The following CDCA5 variants were observed in gnomAD, a reference collection of about 807,000 sequenced individuals.
CDCA5 encodes the protein cell division cycle associated 5.
Under a neutral mutation model 25.7 loss-of-function variants are expected in CDCA5, and 14 were observed. The ratio of observed to expected loss-of-function variants is 0.54; its 90% CI spans 0.36 to 0.85. CDCA5 has a LOEUF of 0.85. CDCA5 is among the 40% of genes least tolerant of loss of function. The pLI, the probability that CDCA5 is intolerant of heterozygous loss-of-function variation, is 0.01. For synonymous variants in CDCA5, 127 were observed against 128.7 expected, an observed-to-expected ratio of 0.99 and a Z score of 0.09; for missense variants, 307 against 324.5, an observed-to-expected ratio of 0.95 and a Z score of 0.41.
chr11:65,071,275 C>T (rs934772755), intron 1 of CDCA5, among the ~76,000 whole-genome samples: 1 of 151,478 alleles, frequency 6.6e-6, no homozygotes, highest in South Asian at 2.1e-4. Context: ...ATATGCATAC[C>T]CCATATGTGG....
chr11:65,083,837 C>T, intron 1 of CDCA5, 96 bp downstream of exon 1: 1 of 1,591,886 alleles, frequency 6.3e-7, no homozygotes, highest in South Asian at 1.1e-5. Flanking sequence ...AGGGCGCCTC[C>T]TCCGGCGGCG....
chr11:65,078,452 C>T lies in CDCA5; in HGVS notation c.*655G>A. The T allele has an allele frequency of 1.0e-6, 1 of 985,648 alleles. No individual in the cohort carries two copies. The allele number at this position is 985,648 out of a possible 1,614,324, so 61.1% of individuals were successfully genotyped here. On this transcript the variant is annotated 3_prime_UTR_variant, in exon 6 of 6. Coordinates refer to ENST00000275517, the MANE Select transcript of CDCA5 (RefSeq NM_080668.4). ...AGCAGACCAGAACTAGAAAACACAG[C>T]TTCTGTGTAGTACACACTTATGGTC...
chr11:65,061,914 A>ATTTTTTTTTTTTTTTTTTTTTTTTTTTT (rs35836447), downstream of CDCA5, among the ~76,000 whole-genome samples: 1 of 82,312 alleles, frequency 1.2e-5, no homozygotes, highest in Non-Finnish European at 2.3e-5. Context: ...CAGCTGCCTA[A>ATTTTTTTTTTTTTTTTTTTTTTTTTTTT]TTTTTTTTTT....
chr11:65,062,801 C>A (rs1408755906), downstream of CDCA5, among the ~76,000 whole-genome samples: 1 of 152,138 alleles, frequency 6.6e-6, no homozygotes, highest in African/African-American at 2.4e-5. Context: ...TGCATTCCTC[C>A]CCCTCCCTCA....
chr11:65,078,709 C>T lies in CDCA5; in HGVS notation c.*398G>A. 9.9e-7 allele frequency: 1 copy of T among 1,011,922 alleles called. No homozygotes were observed. The highest frequency in any genetic ancestry group is 4.6e-5 in the South Asian group (1 of 21,550). The allele number at this position is 1,011,922 out of a possible 1,614,324, so 62.7% of individuals were successfully genotyped here. A position where few individuals can be genotyped will look rare whatever the true frequency, so the allele number is the denominator to read the frequency against. ...AGGGAGAGGCCGAGGCTGGCAGAGCCCCTGGGCCTATTTCCAAGCAGCCAC... is the reference window on the plus strand; with the variant it reads ...AGGGAGAGGCCGAGGCTGGCAGAGCTCCTGGGCCTATTTCCAAGCAGCCAC... On this transcript the variant is annotated 3_prime_UTR_variant, in exon 6 of 6. Coordinates refer to ENST00000275517, the MANE Select transcript of CDCA5 (RefSeq NM_080668.4).
At chr11:65,083,877 C>T in intron 1 of CDCA5, 56 bp downstream of exon 1, 2 of 1,606,456 alleles carry the variant, frequency 1.2e-6, no homozygotes, top group African/African-American at 1.3e-5. Context: ...CATCTTTCAC[C>T]GGACTGCGTC....
At chr11:65,082,035 G>C (rs182853572) in intron 4 of CDCA5, among the ~76,000 whole-genome samples, 1 of 152,142 alleles carries the variant, frequency 6.6e-6, no homozygotes. Context: ...AAGGCCACTG[G>C]GGGGCAATTC....
At chr11:65,068,401 G>A (rs575546440) in intron 2 of CDCA5, 1 of 820,972 alleles carries the variant, frequency 1.2e-6, no homozygotes, top group East Asian at 6.4e-5. Flanking sequence ...CGGGGGTTCA[G>A]GCCTCCATTC....
intron 4 of CDCA5, among the ~76,000 whole-genome samples, chr11:65,081,500 C>T (rs887391789): frequency 6.6e-6 from 1 of 151,870 alleles, no homozygotes; most frequent in African/African-American, 2.4e-5. Context: ...TTCTCTATAG[C>T]CAAGCAGTCA....
chr11:65,083,723 C>T lies in CDCA5; in HGVS notation c.47G>A (p.Gly16Glu), dbSNP rs201897046. The part of the protein sequence containing the change: ...TRSGGAAQRS[G>E]PRAPSPTKPL... ...CTTAGTAGGAGATGGGGCCCTTGGC[C>T]CTGGAAAGAGAAAAAAGTTAAGTGG... is the stretch of plus-strand genomic sequence containing the variant. Residue 16 changes from glycine to glutamate, a missense_variant and splice_region_variant, in exon 2 of 6, where the codon GGG becomes GAG. Gly to Glu is a moderately conservative substitution (Grantham distance 98). Transcript: ENST00000275517. 2.5e-5 allele frequency: 41 copies of T among 1,610,268 alleles called. No individual in the cohort carries two copies. Among genetic ancestry groups the T allele is most frequent in the Middle Eastern group, 3.3e-4 (2 of 6,024 alleles).
chr11:65,079,559 A>G lies in CDCA5; in HGVS notation c.472T>C (p.Ser158Pro). The G allele has an allele frequency of 6.2e-7, 1 of 1,613,984 alleles. No individual in the cohort carries two copies. Among genetic ancestry groups the G allele is most frequent in the Non-Finnish European group, 8.5e-7 (1 of 1,179,980 alleles). ...AAGCAGGACCGGCGGCCTGGGGTGG[A>G]GGTAGAGGCAGAGCCCAGGGTCTCC... ...RLETLGSAST[S>P]TPGRRSCFGF... The change falls in exon 5 of 6, where the codon TCC becomes CCC. Residue 158 changes from serine to proline, a missense_variant. By Grantham distance (74) the Ser-to-Pro change is moderately conservative. Coordinates refer to ENST00000275517, the MANE Select transcript of CDCA5 (RefSeq NM_080668.4).
chr11:65,069,235 C>CAAAAA (rs538955897), intron 1 of CDCA5, among the ~76,000 whole-genome samples: 7 of 85,876 alleles, frequency 8.2e-5, no homozygotes, highest in East Asian at 6.8e-4. Flanking sequence ...GCGAGACTCT[C>CAAAAA]AAAAAAAAAA....
At chr11:65,063,220 G>A (rs985307131), downstream of CDCA5, among the ~76,000 whole-genome samples, 3 of 152,218 alleles carry the variant, frequency 2.0e-5, no homozygotes, top group African/African-American at 7.2e-5. Context: ...AGATGGGGAT[G>A]GGATCTAACA....
downstream of CDCA5, among the ~76,000 whole-genome samples, chr11:65,073,014 G>C (rs188697405): frequency 3.4e-5 from 5 of 145,594 alleles, no homozygotes; most frequent in African/African-American, 1.3e-4. Context: ...CATGATCTTG[G>C]CTCACTGCAA....
chr11:65,066,299 C>T (rs948754415), downstream of CDCA5: 42 of 1,155,694 alleles, frequency 3.6e-5, no homozygotes, highest in African/African-American at 4.9e-5. Context: ...GAAGCTGAAG[C>T]TTAGCTTCCA....
chr11:65,084,018 C>G lies in CDCA5; in HGVS notation c.-40G>C, dbSNP rs1947638199. 1.3e-6 allele frequency: 2 copies of G among 1,589,206 alleles called. No homozygotes were observed. The highest frequency in any genetic ancestry group is 2.7e-5 in the African/African-American group (2 of 73,902). Reference sequence around the variant, plus strand: ...CTCGAGCTCCTCCAGCGCCGCCGCCCCGGGCGCGCGCCAACCGGGAAGGCC... The same window carrying G: ...CTCGAGCTCCTCCAGCGCCGCCGCCGCGGGCGCGCGCCAACCGGGAAGGCC... On this transcript the variant is annotated 5_prime_UTR_variant, in exon 1 of 6. Coordinates refer to ENST00000275517, the MANE Select transcript of CDCA5 (RefSeq NM_080668.4).
intron 4 of CDCA5, among the ~76,000 whole-genome samples, chr11:65,080,578 G>A (rs1158668947): frequency 6.6e-6 from 1 of 152,218 alleles, no homozygotes; most frequent in Middle Eastern, 3.4e-3. Context: ...CTGTCTGGCT[G>A]ATTTTTTTTT....
At position 65,079,576 on chromosome 11, in the gene CDCA5, A is replaced by G; in HGVS notation, c.455T>C (p.Leu152Pro). ...VRRSYSRLETLGSASTSTPGR... is the reference protein window; with the variant it reads ...VRRSYSRLETPGSASTSTPGR... ...TGGGGTGGAGGTAGAGGCAGAGCCC[A>G]GGGTCTCCAGCCGGCTGTAGGAACG... Residue 152 changes from leucine to proline, a missense_variant, in exon 5 of 6, where the codon CTG becomes CCG. Coordinates refer to ENST00000275517, the MANE Select transcript of CDCA5 (RefSeq NM_080668.4). 1.2e-6 allele frequency: 2 copies of G among 1,613,852 alleles called. No individual in the cohort carries two copies. The highest frequency in any genetic ancestry group is 1.7e-6 in the Non-Finnish European group (2 of 1,179,832).
At chr11:65,062,512 T>C (rs1264189496), downstream of CDCA5, among the ~76,000 whole-genome samples, 1 of 152,160 alleles carries the variant, frequency 6.6e-6, no homozygotes, top group Non-Finnish European at 1.5e-5. Flanking sequence ...AGTGCCTTTG[T>C]GTTGGCAGCT....
Sources: gnomAD v4.1 joint callset for allele counts (sites outside exome capture counted in the v4.1 genomes callset) on GRCh38, gnomAD v4.1.1 for gene constraint, MANE v1.5 for transcripts, NCBI Gene and HGNC (gene_info 2026-07-23, HGNC 2026-07-21) for gene names.